The following ERN1 variants were observed in gnomAD, a reference collection of about 807,000 sequenced individuals.
ERN1 encodes the protein serine/threonine-protein kinase/endoribonuclease IRE1.
A neutral mutation model predicts 113.1 loss-of-function variants in ERN1; 39 were observed. The observed-to-expected ratio is 0.34, with a 90% CI of 0.27 to 0.45. The LOEUF is 0.45. Among genes scored for constraint, ERN1 ranks in the 20% least tolerant of loss-of-function variants. The probability of loss-of-function intolerance (pLI) is 1.00; values close to 1 mark genes in which losing one functional copy is unlikely to be tolerated. For synonymous variants in ERN1, 507 were observed against 515.9 expected, an observed-to-expected ratio of 0.98 and a Z score of 0.23; for missense variants, 976 against 1,274.8, an observed-to-expected ratio of 0.77 and a Z score of 3.57.
chr17:64,092,042 C>G (rs1005545007), intron 2 of ERN1, among the ~76,000 whole-genome samples: 1 of 151,958 alleles, frequency 6.6e-6, no homozygotes, highest in Admixed American at 6.6e-5. Flanking sequence ...TCCAATTGGT[C>G]TTTTTGGGGG....
At chr17:64,118,011 A>G (rs1914856689) in intron 1 of ERN1, among the ~76,000 whole-genome samples, 1 of 152,204 alleles carries the variant, frequency 6.6e-6, no homozygotes, top group African/African-American at 2.4e-5. Context: ...AACAGATGAA[A>G]TTCACTACAT....
intron 1 of ERN1, among the ~76,000 whole-genome samples, chr17:64,114,106 TG>T (rs1914744153): frequency 6.6e-6 from 1 of 150,556 alleles, no homozygotes; most frequent in African/African-American, 2.4e-5. Flanking sequence ...CAAGGAGTGT[TG>T]AGTCAACATA....
At chr17:64,076,507 G>A (rs1225502116) in intron 4 of ERN1, among the ~76,000 whole-genome samples, 1 of 152,180 alleles carries the variant, frequency 6.6e-6, no homozygotes, top group Non-Finnish European at 1.5e-5. Flanking sequence ...ACTGCCACTG[G>A]TGCCCTGATT....
At chr17:64,069,878 G>A (rs1189488229) in intron 6 of ERN1, among the ~76,000 whole-genome samples, 1 of 152,112 alleles carries the variant, frequency 6.6e-6, no homozygotes, top group Non-Finnish European at 1.5e-5. Context: ...GGGGGTCTTT[G>A]GAGGGAGTGG....
intron 12 of ERN1, among the ~76,000 whole-genome samples, chr17:64,056,359 C>G (rs531082437): frequency 1.3e-5 from 2 of 152,210 alleles, no homozygotes; most frequent in Non-Finnish European, 2.9e-5. Flanking sequence ...GCCCCAGGTT[C>G]GCCACCCACC....
chr17:64,123,499 C>T (rs1009026785), intron 1 of ERN1, among the ~76,000 whole-genome samples: 5 of 152,100 alleles, frequency 3.3e-5, no homozygotes, highest in Non-Finnish European at 7.3e-5. Context: ...TTAAAGTCTA[C>T]GCTCCTAAAA....
chr17:64,104,647 T>A (rs1308803793), intron 1 of ERN1, among the ~76,000 whole-genome samples: 1 of 152,052 alleles, frequency 6.6e-6, no homozygotes, highest in Non-Finnish European at 1.5e-5. Flanking sequence ...AGTGAAACCC[T>A]GTCTCTACTA....
rs1380197458 is a variant in ERN1, at chr17:64,054,516, C to G, written c.1764-77G>C. ...TAAATGAGGTGAGAACCTGGGTCCA[C>G]AGCATTCACCTACTGCCTCCCAGCC... On this transcript the variant is annotated intron_variant, in intron 14 of 21. Coordinates refer to ENST00000433197, the MANE Select transcript of ERN1 (RefSeq NM_001433.5). This position sits in a 1 kb window ranked among gnomAD's most constrained non-coding sequence, Gnocchi z 4.9. 7.4e-7 allele frequency: 1 copy of G among 1,358,230 alleles called. No homozygotes were observed. The highest frequency in any genetic ancestry group is 1.0e-6 in the Non-Finnish European group (1 of 990,240). 84.1% of individuals were successfully genotyped at this position (1,358,230 alleles called of 1,614,324 possible). A position where few individuals can be genotyped will look rare whatever the true frequency, so the allele number is the denominator to read the frequency against.
At chr17:64,122,760 T>C (rs1914985584) in intron 1 of ERN1, among the ~76,000 whole-genome samples, 1 of 152,228 alleles carries the variant, frequency 6.6e-6, no homozygotes, top group Non-Finnish European at 1.5e-5. Flanking sequence ...ATGTTTTAAC[T>C]TGTATAAGGA....
intron 1 of ERN1, among the ~76,000 whole-genome samples, chr17:64,119,908 G>A (rs1914912567): frequency 6.6e-6 from 1 of 151,968 alleles, no homozygotes; most frequent in African/African-American, 2.4e-5. Flanking sequence ...AGTCACTTGG[G>A]CCTTAAAACA....
chr17:64,093,334 T>G (rs150044232), intron 2 of ERN1, among the ~76,000 whole-genome samples: 3 of 152,274 alleles, frequency 2.0e-5, no homozygotes, highest in Admixed American at 6.5e-5. Flanking sequence ...TATCCTCTCT[T>G]GTCTGGACTA....
At chr17:64,065,829 C>G (rs1913205701) in intron 8 of ERN1, among the ~76,000 whole-genome samples, 1 of 152,118 alleles carries the variant, frequency 6.6e-6, no homozygotes, top group Non-Finnish European at 1.5e-5. Context: ...CTTCTGGTTC[C>G]CCAGCTGTGT....
At position 64,098,136 on chromosome 17, in the gene ERN1, A is replaced by T; in HGVS notation, c.160T>A (p.Trp54Arg). The T allele has an allele frequency of 6.2e-7, 1 of 1,613,980 alleles. No homozygotes were observed. The highest frequency in any genetic ancestry group is 8.5e-7 in the Non-Finnish European group (1 of 1,179,878). The change falls in exon 2 of 22, where the codon TGG becomes AGG. Residue 54 changes from tryptophan to arginine, a missense_variant. By Grantham distance (101) the Trp-to-Arg change is moderately radical. This residue lies in a region of ERN1 where 459 missense variants were observed against 581.2 expected (regional missense o/e 0.79). Transcript: ENST00000433197. Reference protein sequence around the residue: ...AVSKRTGSIKWTLKEDPVLQV... With the variant: ...AVSKRTGSIKRTLKEDPVLQV... ...TCCAAATTACCTTCTTTTAAAGTCC[A>T]TTTGATTGAGCCTGTCCTCTTGCTG...
intron 2 of ERN1, among the ~76,000 whole-genome samples, chr17:64,087,397 C>T (rs1423823764): frequency 2.6e-5 from 4 of 152,216 alleles, no homozygotes; most frequent in African/African-American, 9.6e-5. Context: ...ATGGGTGTCT[C>T]AGCCCAAGGC....
chr17:64,075,241 G>C lies in ERN1; in HGVS notation c.289C>G (p.Pro97Ala). The C allele has an allele frequency of 2.3e-6, 3 of 1,331,982 alleles. No homozygotes were observed. In the South Asian group the frequency reaches 4.7e-5, roughly 21 times the overall value. The allele number at this position is 1,331,982 out of a possible 1,614,324, so 82.5% of individuals were successfully genotyped here. Reference protein sequence around the residue: ...SKNNEGLTKLPFTIPELVQAS... With the variant: ...SKNNEGLTKLAFTIPELVQAS... The stretch of plus-strand genomic sequence containing the variant: ...TGCACCAATTCTGGGATGGTAAAAG[G>C]AAGTTTCTTTAAAAAAAAAAAAAAA... Residue 97 changes from proline to alanine, a missense_variant, in exon 5 of 22, where the codon CCT (proline) becomes GCT (alanine). Pro to Ala is a conservative substitution (Grantham distance 27). This residue lies in a region of ERN1 where 459 missense variants were observed against 581.2 expected (regional missense o/e 0.79). Coordinates refer to ENST00000433197, the MANE Select transcript of ERN1 (RefSeq NM_001433.5).
intron 1 of ERN1, 99 bp downstream of exon 1, chr17:64,129,877 G>A: frequency 2.6e-6 from 3 of 1,149,110 alleles, no homozygotes; most frequent in African/African-American, 1.6e-5. Flanking sequence ...CCGCCGTCGC[G>A]CTCCCAGCTC....
chr17:64,084,889 G>C (rs1355341273), intron 2 of ERN1, among the ~76,000 whole-genome samples: 1 of 152,182 alleles, frequency 6.6e-6, no homozygotes, highest in Non-Finnish European at 1.5e-5. Flanking sequence ...CTGTTCCTCT[G>C]CCTAGGTCTT....
At chr17:64,111,720 T>C (rs12949281) in intron 1 of ERN1, among the ~76,000 whole-genome samples, 4 of 152,162 alleles carry the variant, frequency 2.6e-5, no homozygotes, top group Admixed American at 2.6e-4. Context: ...ATCTGGATTG[T>C]GGGGCAAGGT....
chr17:64,073,523 G>A (rs1031398122), intron 5 of ERN1, among the ~76,000 whole-genome samples: 2 of 149,762 alleles, frequency 1.3e-5, no homozygotes, highest in Non-Finnish European at 3.0e-5. Flanking sequence ...ACGGAGTCTC[G>A]CTCTGTCGCC....
Sources: gnomAD v4.1 joint callset for allele counts (sites outside exome capture counted in the v4.1 genomes callset) on GRCh38, gnomAD v4.1.1 for gene constraint, gnomAD v4.1.1 regional missense constraint, Gnocchi (gnomAD v3.1) non-coding constraint, MANE v1.5 for transcripts, NCBI Gene and HGNC (gene_info 2026-07-23, HGNC 2026-07-21) for gene names.